ZNF831: variants seen among roughly 807,000 people sequenced by gnomAD.
ZNF831 encodes the protein zinc finger protein 831, also known as chromosome 20 open reading frame 174.
Under a neutral mutation model 95.8 loss-of-function variants are expected in ZNF831, and 59 were observed. The ratio of observed to expected loss-of-function variants is 0.62; its 90% CI spans 0.50 to 0.77. The LOEUF (loss-of-function observed/expected upper bound fraction) is 0.77. ZNF831 is among the 30% of genes least tolerant of loss of function. The pLI, the probability that ZNF831 is intolerant of heterozygous loss-of-function variation, is 0.00. For synonymous variants in ZNF831, 961 were observed against 925.5 expected (o/e 1.04, Z -0.70); for missense variants, 2,205 against 2,164.0 (o/e 1.02, Z -0.38).
intron 4 of ZNF831, among the ~76,000 whole-genome samples, chr20:59,220,392 G>A (rs991140874): frequency 2.6e-5 from 4 of 152,180 alleles, no homozygotes; most frequent in Non-Finnish European, 5.9e-5. Flanking sequence ...AAGGGGCCAG[G>A]CCCTTTTGGT....
At chr20:59,184,880 C>T (rs1601351109) in intron 1 of ZNF831, among the ~76,000 whole-genome samples, 1 of 152,142 alleles carries the variant, frequency 6.6e-6, no homozygotes, top group African/African-American at 2.4e-5. Context: ...TCTTTGTTCC[C>T]CTCTCCTCCA....
chr20:59,153,930 G>A (rs1980390714), intron 2 of ZNF831, among the ~76,000 whole-genome samples: 1 of 152,176 alleles, frequency 6.6e-6, no homozygotes, highest in African/African-American at 2.4e-5. Flanking sequence ...TCATTACAGG[G>A]CATTGTCCTG....
chr20:59,138,451 C>T (rs532130555), intron 1 of ZNF831, among the ~76,000 whole-genome samples: 1 of 152,176 alleles, frequency 6.6e-6, no homozygotes, highest in South Asian at 2.1e-4. Context: ...GGCCCCCGTC[C>T]CCTGATCACT....
chr20:59,135,792 G>A (rs979900244), intron 1 of ZNF831, among the ~76,000 whole-genome samples: 4 of 152,164 alleles, frequency 2.6e-5, no homozygotes, highest in South Asian at 2.1e-4. Flanking sequence ...CAGTTATTAG[G>A]TTGGTGCAAA....
rs750764585 is a variant in ZNF831, at chr20:59,169,102, C to A, written c.-37+4895C>A. On this transcript the variant is annotated intron_variant, in intron 1 of 5. Transcript: ENST00000371030. This position sits in a 1 kb window ranked among gnomAD's most constrained non-coding sequence, Gnocchi z 4.1. ...AAGTGTTATTTCCTTTTCTGTTTTC[C>A]GGATAAAGTTGCGTCGAATTTGTGT... Among the ~76,000 whole-genome samples, 1 of 152,048 alleles carries A rather than the reference C, an allele frequency of 6.6e-6. No individual in the cohort carries two copies. Among genetic ancestry groups the A allele is most frequent in the Non-Finnish European group, 1.5e-5 (1 of 68,026 alleles).
intron 4 of ZNF831, among the ~76,000 whole-genome samples, chr20:59,225,134 A>G (rs142565775): frequency 6.6e-6 from 1 of 151,768 alleles, no homozygotes; most frequent in Non-Finnish European, 1.5e-5. Flanking sequence ...ATGCATGTAT[A>G]TTTTTTTTAA....
chr20:59,196,942 A>AT (rs34011921), intron 3 of ZNF831, among the ~76,000 whole-genome samples: 17,079 of 132,308 alleles, frequency 0.13, 2,147 homozygotes, highest in African/African-American at 0.33. Flanking sequence ...ACGCCCAGCT[A>AT]TTTTTTTTTT....
intron 3 of ZNF831, among the ~76,000 whole-genome samples, chr20:59,200,616 A>G (rs1984460216): frequency 6.6e-6 from 1 of 152,118 alleles, no homozygotes; most frequent in Admixed American, 6.6e-5. Flanking sequence ...TCCTTTTGTA[A>G]TTCCTCCCTT....
At chr20:59,158,884 A>G (rs1980685783), upstream of ZNF831, among the ~76,000 whole-genome samples, 1 of 152,156 alleles carries the variant, frequency 6.6e-6, no homozygotes, top group Non-Finnish European at 1.5e-5. Context: ...GGCATTTGTC[A>G]TGACTAAGAA....
chr20:59,154,836 A>G (rs748764177), intron 2 of ZNF831, among the ~76,000 whole-genome samples: 1 of 152,058 alleles, frequency 6.6e-6, no homozygotes, highest in African/African-American at 2.4e-5. Context: ...CTTATCTCCC[A>G]GGTCTGTCTT....
chr20:59,145,483 A>G (rs563514852), intron 1 of ZNF831, among the ~76,000 whole-genome samples: 1 of 152,330 alleles, frequency 6.6e-6, no homozygotes, highest in African/African-American at 2.4e-5. Flanking sequence ...ACATTTCCCA[A>G]AGTCATTTGA....
chr20:59,135,204 A>G (rs1258670885), intron 1 of ZNF831, among the ~76,000 whole-genome samples: 1 of 152,200 alleles, frequency 6.6e-6, no homozygotes, highest in African/African-American at 2.4e-5. Flanking sequence ...AGCAACACCC[A>G]TTTATTATCT....
intron 4 of ZNF831, among the ~76,000 whole-genome samples, chr20:59,211,117 A>T (rs1219246921): frequency 6.6e-6 from 1 of 152,222 alleles, no homozygotes; most frequent in African/African-American, 2.4e-5. Flanking sequence ...TATAGATCTA[A>T]GAAACAAGTG....
chr20:59,125,448 A>AC (rs1276723298), intron 1 of ZNF831, among the ~76,000 whole-genome samples: 5 of 150,010 alleles, frequency 3.3e-5, no homozygotes, highest in Admixed American at 1.3e-4. Flanking sequence ...GGCTCTCCCC[A>AC]CCCCCCCGCA....
intron 3 of ZNF831, among the ~76,000 whole-genome samples, chr20:59,201,986 G>T (rs1984564277): frequency 6.6e-6 from 1 of 152,202 alleles, no homozygotes; most frequent in Admixed American, 6.5e-5. Flanking sequence ...CCATCAATAA[G>T]TTGAGGTGTC....
intron 4 of ZNF831, among the ~76,000 whole-genome samples, chr20:59,220,087 A>G (rs1383058015): frequency 6.6e-6 from 1 of 152,216 alleles, no homozygotes; most frequent in Non-Finnish European, 1.5e-5. Flanking sequence ...TCTGCTTTTG[A>G]AAGACTTTCT....
intron 1 of ZNF831, among the ~76,000 whole-genome samples, chr20:59,166,119 G>A (rs1364594948): frequency 1.3e-5 from 2 of 152,104 alleles, no homozygotes; most frequent in African/African-American, 2.4e-5. Context: ...TATGGTAAAT[G>A]GTAGTGATGT....
At chr20:59,190,409 G>A in intron 1 of ZNF831, among the ~76,000 whole-genome samples, 1 of 152,196 alleles carries the variant, frequency 6.6e-6, no homozygotes, top group East Asian at 1.9e-4. Flanking sequence ...ATTTTTGTTT[G>A]ATAAATCTGG....
Position 59,194,439 on chromosome 20 carries a change from T to C in ZNF831, c.3420T>C (p.Pro1140=), listed in dbSNP as rs758152603. 6.2e-7 allele frequency: 1 copy of C among 1,612,766 alleles called. No individual in the cohort carries two copies. The highest frequency in any genetic ancestry group is 8.5e-7 in the Non-Finnish European group (1 of 1,179,698). ...PGSFLTALTR[P]QGVPPGWPEL... is the part of the protein sequence containing the mutation. ...CCTTCCTCACTGCCCTCACTCGGCCTCAGGGTGTGCCCCCAGGCTGGCCAG... is the reference window on the plus strand; with the variant it reads ...CCTTCCTCACTGCCCTCACTCGGCCCCAGGGTGTGCCCCCAGGCTGGCCAG... Residue 1140 remains proline, a synonymous_variant, in exon 2 of 6, where the codon CCT becomes CCC. Coordinates refer to ENST00000371030, the MANE Select transcript of ZNF831 (RefSeq NM_178457.3).
Sources: gnomAD v4.1 joint callset for allele counts (sites outside exome capture counted in the v4.1 genomes callset) on GRCh38, gnomAD v4.1.1 for gene constraint, Gnocchi (gnomAD v3.1) non-coding constraint, MANE v1.5 for transcripts, NCBI Gene and HGNC (gene_info 2026-07-23, HGNC 2026-07-21) for gene names.